COL11A1: variants seen among roughly 807,000 people sequenced by gnomAD.
COL11A1 encodes collagen alpha-1(XI) chain.
A neutral mutation model predicts 265.2 loss-of-function variants in COL11A1; 74 were observed. That is an observed-to-expected ratio of 0.28 (90% CI 0.23 to 0.34). COL11A1 has a LOEUF of 0.34. COL11A1 is among the 10% of genes least tolerant of loss of function. The pLI is 1.00. For synonymous variants in COL11A1, 816 were observed against 727.6 expected (o/e 1.12, Z -1.96); for missense variants, 2,165 against 2,263.6 (o/e 0.96, Z 0.88).
chr1:102,936,093 A>T (rs144033275), intron 44 of COL11A1, among the ~76,000 whole-genome samples: 145 of 152,282 alleles, frequency 9.5e-4, no homozygotes, highest in African/African-American at 3.4e-3. Flanking sequence ...TAAGAATGTC[A>T]TGGATGTAAT....
chr1:103,055,382 A>G (rs1463406922), intron 4 of COL11A1, among the ~76,000 whole-genome samples: 1 of 152,236 alleles, frequency 6.6e-6, no homozygotes, highest in Non-Finnish European at 1.5e-5. Flanking sequence ...ACACATTTAC[A>G]AAGATAGTAT....
chr1:103,037,175 T>C (rs959324497), intron 4 of COL11A1, among the ~76,000 whole-genome samples: 24 of 150,692 alleles, frequency 1.6e-4, no homozygotes, highest in African/African-American at 4.1e-4. Flanking sequence ...ATATAAGGCA[T>C]AGCTGTTTCA....
At chr1:103,102,952 C>T (rs1558059108) in intron 1 of COL11A1, among the ~76,000 whole-genome samples, 1 of 151,988 alleles carries the variant, frequency 6.6e-6, no homozygotes, top group Non-Finnish European at 1.5e-5. Context: ...TGCAATTTCA[C>T]ATGTGGTAAT....
intron 2 of COL11A1, among the ~76,000 whole-genome samples, chr1:103,079,525 T>G (rs141755285): frequency 6.6e-6 from 1 of 152,044 alleles, no homozygotes; most frequent in Admixed American, 6.6e-5. Context: ...CTGATCTACA[T>G]TGGTCCTTAC....
At chr1:102,878,252 G>T in intron 66 of COL11A1, 87 bp from the exon 67 acceptor site, 3 of 1,205,010 alleles carry the variant, frequency 2.5e-6, no homozygotes, top group Non-Finnish European at 3.5e-6. Flanking sequence ...CTGAGTGGAG[G>T]TAAGAAGCTG....
intron 37 of COL11A1, among the ~76,000 whole-genome samples, chr1:102,969,521 A>G (rs530803652): frequency 1.3e-5 from 2 of 152,308 alleles, no homozygotes; most frequent in South Asian, 4.1e-4. Flanking sequence ...GGATAGCCAG[A>G]TGTCTGATTT....
chr1:102,913,631 A>G lies in COL11A1; in HGVS notation c.4032+6T>C. The G allele has an allele frequency of 6.2e-7, 1 of 1,612,596 alleles. No homozygotes were observed. The highest frequency in any genetic ancestry group is 2.2e-5 in the East Asian group (1 of 44,772). On this transcript the variant is annotated splice_donor_region_variant and intron_variant, in intron 53 of 66. Coordinates refer to ENST00000370096, the MANE Select transcript of COL11A1 (RefSeq NM_001854.4). ...AACTTAAAAATAAATTAGTGCATTT[A>G]CTCACCGGTTGACCAGGATCTCCAT...
At chr1:102,920,702 ACACTGGTT>A (rs1655888878) in intron 48 of COL11A1, among the ~76,000 whole-genome samples, 1 of 152,146 alleles carries the variant, frequency 6.6e-6, no homozygotes, top group African/African-American at 2.4e-5. Context: ...CAAAATTATG[ACACTGGTT>A]AAGAATTACA....
intron 41 of COL11A1, among the ~76,000 whole-genome samples, chr1:102,954,809 A>G (rs1482031004): frequency 2.6e-5 from 4 of 151,544 alleles, no homozygotes; most frequent in African/African-American, 9.7e-5. Context: ...GCGTCACTGC[A>G]TTCCAGACTG....
intron 4 of COL11A1, among the ~76,000 whole-genome samples, chr1:103,043,535 T>G (rs554726910): frequency 2.0e-5 from 3 of 152,200 alleles, no homozygotes; most frequent in East Asian, 3.9e-4. Flanking sequence ...CAATAAATGA[T>G]CAATAAATGG....
At chr1:103,083,839 G>T (rs1182366436) in intron 1 of COL11A1, among the ~76,000 whole-genome samples, 5 of 151,970 alleles carry the variant, frequency 3.3e-5, no homozygotes, top group African/African-American at 1.2e-4. Flanking sequence ...GTAGTCTTAG[G>T]GTATGTAAAA....
chr1:103,094,247 T>A (rs188096935), intron 1 of COL11A1, among the ~76,000 whole-genome samples: 59 of 152,176 alleles, frequency 3.9e-4, no homozygotes, highest in African/African-American at 1.4e-3. Context: ...TGAGGATGAA[T>A]GCTTCCAAAC....
At chr1:102,944,761 A>G (rs1490253697) in intron 42 of COL11A1, among the ~76,000 whole-genome samples, 1 of 152,136 alleles carries the variant, frequency 6.6e-6, no homozygotes. Flanking sequence ...AGAAATATTG[A>G]CTTATCTAAT....
At chr1:103,001,199 C>T in intron 24 of COL11A1, 1 of 397,506 alleles carries the variant, frequency 2.5e-6, no homozygotes, top group South Asian at 1.3e-4. Context: ...GATTGCAGCA[C>T]ATCTGTAAAT....
At chr1:103,011,886 G>GA (rs1411635717) in intron 14 of COL11A1, among the ~76,000 whole-genome samples, 3 of 152,040 alleles carry the variant, frequency 2.0e-5, no homozygotes, top group Non-Finnish European at 4.4e-5. Flanking sequence ...ACGCTAGTGA[G>GA]AAAAAAATAA....
chr1:103,027,189 G>A (rs536617477), intron 5 of COL11A1, among the ~76,000 whole-genome samples: 9 of 150,832 alleles, frequency 6.0e-5, no homozygotes, highest in African/African-American at 2.2e-4. Flanking sequence ...TCTTAATAGA[G>A]GGAGTTAAAA....
chr1:102,963,846 T>C (rs1661151365), intron 38 of COL11A1, among the ~76,000 whole-genome samples: 2 of 151,494 alleles, frequency 1.3e-5, no homozygotes, highest in Admixed American at 1.3e-4. Flanking sequence ...TTAACCATAA[T>C]TGAACAGCGA....
intron 43 of COL11A1, 38 bp from the exon 44 acceptor site, chr1:102,939,126 C>CA: frequency 6.6e-7 from 1 of 1,509,112 alleles, no homozygotes. Context: ...TTATCTCTAA[C>CA]ATGCTATTGC....
rs754108634 is a variant in COL11A1, at chr1:102,890,524, A to G, written c.4303-20T>C. The G allele has an allele frequency of 6.3e-6, 10 of 1,586,326 alleles. No homozygotes were observed. The highest frequency in any genetic ancestry group is 7.7e-6 in the Non-Finnish European group (9 of 1,169,520). On this transcript the variant is annotated intron_variant, in intron 57 of 66. Coordinates refer to ENST00000370096, the MANE Select transcript of COL11A1 (RefSeq NM_001854.4). ...AGGTCCCTAAATAATAACAAAAAAA[A>G]AACCCCAAAACAAAAACAGAGTAGG...
Sources: gnomAD v4.1 joint callset for allele counts (sites outside exome capture counted in the v4.1 genomes callset) on GRCh38, gnomAD v4.1.1 for gene constraint, MANE v1.5 for transcripts, NCBI Gene and HGNC (gene_info 2026-07-23, HGNC 2026-07-21) for gene names.